PDE4D: variants seen among roughly 807,000 people sequenced by gnomAD.
PDE4D encodes the protein 3',5'-cyclic-AMP phosphodiesterase 4D.
Under a neutral mutation model 87.4 loss-of-function variants are expected in PDE4D, and 24 were observed. The ratio of observed to expected loss-of-function variants is 0.27; its 90% CI spans 0.20 to 0.39. PDE4D has a LOEUF of 0.39. PDE4D is among the 10% of genes least tolerant of loss of function. PDE4D has a pLI of 1.00. For missense variants in PDE4D, 714 were observed against 1,041.0 expected (o/e 0.69, Z 4.32); for synonymous variants, 384 against 383.2 (o/e 1.00, Z -0.02).
At chr5:59,340,721 C>T (rs1001104014) in intron 1 of PDE4D, among the ~76,000 whole-genome samples, 1 of 152,156 alleles carries the variant, frequency 6.6e-6, no homozygotes, top group African/African-American at 2.4e-5. Context: ...CATCTTTCCA[C>T]TCTATCTCCA....
intron 1 of PDE4D, among the ~76,000 whole-genome samples, chr5:59,532,795 T>G (rs750147888): frequency 1.4e-4 from 22 of 152,284 alleles, no homozygotes; most frequent in Middle Eastern, 3.4e-3. Flanking sequence ...GTTTCTTTTT[T>G]GCCAAACATA....
intron 2 of PDE4D, among the ~76,000 whole-genome samples, chr5:60,024,567 G>A (rs1015288726): frequency 3.3e-5 from 5 of 152,174 alleles, no homozygotes; most frequent in Admixed American, 1.3e-4. Flanking sequence ...CAACCTTGAA[G>A]CATGGGGTAC....
chr5:59,444,483 A>T (rs965281439), intron 1 of PDE4D, among the ~76,000 whole-genome samples: 6 of 152,056 alleles, frequency 3.9e-5, no homozygotes, highest in Non-Finnish European at 8.8e-5. Flanking sequence ...TAAAGTTGAG[A>T]TTTGGGCTTC....
At chr5:59,500,553 T>C (rs1349389406) in intron 1 of PDE4D, among the ~76,000 whole-genome samples, 2 of 152,052 alleles carry the variant, frequency 1.3e-5, no homozygotes, top group Admixed American at 6.6e-5. Context: ...AGCTAAACAC[T>C]GGAGGCAACA....
intron 5 of PDE4D, among the ~76,000 whole-genome samples, chr5:59,094,797 A>C (rs1298762423): frequency 6.6e-6 from 1 of 152,176 alleles, no homozygotes; most frequent in Non-Finnish European, 1.5e-5. Flanking sequence ...GTATATAGAA[A>C]AGATTTCTGA....
intron 1 of PDE4D, chr5:59,528,939 T>A: frequency 2.4e-6 from 1 of 424,872 alleles, no homozygotes. Context: ...ATGACATATC[T>A]CTGGAAGGCT....
chr5:60,294,199 T>C (rs557570762), intron 1 of PDE4D, among the ~76,000 whole-genome samples: 12 of 152,330 alleles, frequency 7.9e-5, no homozygotes, highest in Non-Finnish European at 1.6e-4. Flanking sequence ...GAGCACTCTT[T>C]ACTGTGTTCA....
At chr5:59,901,923 AACAC>A (rs59453461) in intron 3 of PDE4D, among the ~76,000 whole-genome samples, 2,011 of 134,228 alleles carry the variant, frequency 0.015, 14 homozygotes, top group African/African-American at 0.021. Context: ...CTTACATGCA[AACAC>A]ACACACACAC....
intron 1 of PDE4D, among the ~76,000 whole-genome samples, chr5:59,671,810 G>GAAA (rs113705465): frequency 8.2e-6 from 1 of 121,652 alleles, no homozygotes; most frequent in Non-Finnish European, 1.8e-5. Flanking sequence ...CTGTCTCAAG[G>GAAA]AAAAAAAAAA....
At chr5:59,296,294 G>C (rs917821901) in intron 1 of PDE4D, among the ~76,000 whole-genome samples, 1 of 152,052 alleles carries the variant, frequency 6.6e-6, no homozygotes, top group South Asian at 2.1e-4. Flanking sequence ...TAACCATACA[G>C]TGGGATTAGT....
At chr5:60,381,787 G>A (rs1468318460) in intron 1 of PDE4D, among the ~76,000 whole-genome samples, 2 of 152,172 alleles carry the variant, frequency 1.3e-5, no homozygotes, top group African/African-American at 4.8e-5. Context: ...TGGAATCTGT[G>A]ATGAAAGCCC....
rs544028807 is a variant in PDE4D, at chr5:59,073,208, C to T, written c.809-34237G>A. ...ACAGGATTCTCAGGAGTAAATGGGT[C>T]AATACATAGTTATAAAATGATGAGG... On this transcript the variant is annotated intron_variant, in intron 5 of 14. Transcript: ENST00000340635. 2.0e-5 allele frequency among the ~76,000 whole-genome samples: 3 copies of T among 152,034 alleles called. No individual in the cohort carries two copies. In the East Asian group the frequency reaches 5.8e-4, roughly 29 times the overall value.
At chr5:59,377,672 C>T (rs919609583) in intron 1 of PDE4D, among the ~76,000 whole-genome samples, 1 of 152,128 alleles carries the variant, frequency 6.6e-6, no homozygotes, top group East Asian at 1.9e-4. Context: ...AGGACATGAA[C>T]AGGCACTTTT....
At chr5:59,333,512 A>T (rs1022316174) in intron 1 of PDE4D, among the ~76,000 whole-genome samples, 2 of 152,184 alleles carry the variant, frequency 1.3e-5, no homozygotes, top group Non-Finnish European at 2.9e-5. Context: ...CCTGTGCAGA[A>T]TACCTCATAA....
chr5:60,129,408 T>C (rs1427447345), intron 2 of PDE4D, among the ~76,000 whole-genome samples: 2 of 152,212 alleles, frequency 1.3e-5, no homozygotes, highest in Non-Finnish European at 2.9e-5. Flanking sequence ...CATGAAAGTA[T>C]TATTAACATG....
chr5:59,178,695 C>T (rs1025508065), intron 5 of PDE4D, among the ~76,000 whole-genome samples: 2 of 152,212 alleles, frequency 1.3e-5, no homozygotes, highest in Admixed American at 6.5e-5. Context: ...TGATGCTGCT[C>T]TTCTGGGAGA....
chr5:59,391,979 T>C (rs116304077), intron 1 of PDE4D, among the ~76,000 whole-genome samples: 10,153 of 148,920 alleles, frequency 0.068, 944 homozygotes, highest in African/African-American at 0.21. Context: ...ATATAATATA[T>C]AAATTATTTT....
intron 1 of PDE4D, among the ~76,000 whole-genome samples, chr5:59,418,338 A>G (rs576278445): frequency 6.6e-6 from 1 of 152,230 alleles, no homozygotes; most frequent in East Asian, 1.9e-4. Context: ...ATAAATTCTG[A>G]CCACACTCAA....
intron 2 of PDE4D, among the ~76,000 whole-genome samples, chr5:60,183,530 G>T (rs999476395): frequency 6.6e-6 from 1 of 152,174 alleles, no homozygotes; most frequent in East Asian, 1.9e-4. Context: ...TAAGGTGATC[G>T]TTTAAGGATG....
Sources: allele counts gnomAD v4.1 joint callset (sites outside exome capture counted in the v4.1 genomes callset), GRCh38; gene constraint gnomAD v4.1.1; transcripts MANE v1.5; gene names NCBI Gene and HGNC (gene_info 2026-07-23, HGNC 2026-07-21).